Variants in RELCH observed in about 807,000 individuals in gnomAD.
The protein encoded by RELCH is RAB11 binding and LisH domain, coiled-coil and HEAT repeat containing.
Under a neutral mutation model 150.3 loss-of-function variants are expected in RELCH, and 41 were observed. The ratio of observed to expected loss-of-function variants is 0.27; its 90% CI spans 0.21 to 0.35. The LOEUF (loss-of-function observed/expected upper bound fraction) is 0.35. Among genes scored for constraint, RELCH ranks in the 10% least tolerant of loss-of-function variants. The pLI is 1.00. For synonymous variants in RELCH, 478 were observed against 531.8 expected, an observed-to-expected ratio of 0.90 and a Z score of 1.39; for missense variants, 1,092 against 1,467.8, an observed-to-expected ratio of 0.74 and a Z score of 4.18.
At chr18:62,299,348 T>C (rs2045562880) in intron 28 of RELCH, among the ~76,000 whole-genome samples, 1 of 152,162 alleles carries the variant, frequency 6.6e-6, no homozygotes, top group African/African-American at 2.4e-5. Flanking sequence ...TATTATAACG[T>C]TGGAGTTTCA....
chr18:62,280,734 T>C (rs565032768), intron 24 of RELCH, 25 bp downstream of exon 24: 22 of 1,453,368 alleles, frequency 1.5e-5, no homozygotes, highest in Non-Finnish European at 1.8e-5. Flanking sequence ...AATTTATTTA[T>C]GTCTGTGTAA....
intron 21 of RELCH, among the ~76,000 whole-genome samples, chr18:62,274,731 T>C (rs2044101427): frequency 6.6e-6 from 1 of 152,258 alleles, no homozygotes; most frequent in African/African-American, 2.4e-5. Context: ...CTTAGTCCAG[T>C]GATCTTTCCT....
Position 62,228,569 on chromosome 18 carries a change from A to C in RELCH, c.1419A>C (p.Lys473Asn). 6.2e-7 allele frequency: 1 copy of C among 1,611,760 alleles called. No individual in the cohort carries two copies. Among genetic ancestry groups the C allele is most frequent in the South Asian group, 1.1e-5 (1 of 90,960 alleles). ...EGMPPSSLSS[K>N]KTVHFDKPNR... ...TGCCACCTTCTTCTCTATCAAGTAA[A>C]AAGACAGTTCATTTTGATAAACCTA... is the stretch of plus-strand genomic sequence containing the variant. The change falls in exon 8 of 29, where the codon AAA (lysine) becomes AAC (asparagine). Residue 473 changes from lysine (K) to asparagine (N), a missense_variant. Lys to Asn is a moderately conservative substitution (Grantham distance 94). Coordinates refer to ENST00000644646, the MANE Select transcript of RELCH (RefSeq NM_001346231.2).
chr18:62,288,113 A>G (rs1387607554), intron 26 of RELCH, among the ~76,000 whole-genome samples: 2 of 152,150 alleles, frequency 1.3e-5, no homozygotes, highest in Admixed American at 6.5e-5. Flanking sequence ...TCTGTTTACT[A>G]TCCTATGCCT....
intron 7 of RELCH, among the ~76,000 whole-genome samples, chr18:62,227,899 T>C (rs1013682233): frequency 1.3e-5 from 2 of 152,160 alleles, no homozygotes; most frequent in African/African-American, 4.8e-5. Context: ...AATATGGTGA[T>C]CTTACAATCA....
intron 1 of RELCH, among the ~76,000 whole-genome samples, chr18:62,210,174 C>T (rs547429379): frequency 2.0e-5 from 3 of 152,098 alleles, no homozygotes; most frequent in Non-Finnish European, 4.4e-5. Flanking sequence ...TCTCTGTCTG[C>T]TTTTAATATT....
At chr18:62,303,826 A>T (rs1194071909) in intron 28 of RELCH, among the ~76,000 whole-genome samples, 1 of 152,248 alleles carries the variant, frequency 6.6e-6, no homozygotes, top group South Asian at 2.1e-4. Flanking sequence ...TGTAGGTGGT[A>T]TGTAAGCATT....
chr18:62,283,420 A>G (rs571829612), intron 25 of RELCH, among the ~76,000 whole-genome samples: 1 of 152,304 alleles, frequency 6.6e-6, no homozygotes, highest in Non-Finnish European at 1.5e-5. Context: ...GCAATTTGAC[A>G]TGCTCTAGAG....
rs202103776 is a variant in RELCH, at chr18:62,247,543, A to AT, written c.1733+2682dup. 1,176 of 143,758 alleles carry AT rather than the reference A, an allele frequency of 8.2e-3. 11 individuals are homozygous for AT. Among genetic ancestry groups the AT allele is most frequent in the Non-Finnish European group, 0.011 (741 of 65,240 alleles). 8.9% of individuals were successfully genotyped at this position (143,758 alleles called of 1,614,324 possible). ...ATTGAATCCATGTTTATTATAAGCG[A>AT]TTTTTTTTTTTTTTTCCTGAGACAG... On this transcript the variant is annotated intron_variant, in intron 11 of 28. Transcript: ENST00000644646.
intron 1 of RELCH, among the ~76,000 whole-genome samples, chr18:62,194,605 A>C (rs1215153485): frequency 1.3e-5 from 2 of 152,194 alleles, no homozygotes; most frequent in Non-Finnish European, 2.9e-5. Context: ...TAAGCTCCTG[A>C]TCACACAAAT....
At chr18:62,207,183 T>C (rs963811755) in intron 1 of RELCH, among the ~76,000 whole-genome samples, 1 of 152,164 alleles carries the variant, frequency 6.6e-6, no homozygotes, top group Non-Finnish European at 1.5e-5. Context: ...TCTATGTCTA[T>C]AGAGACAGAC....
In RELCH at chr18:62,187,477, G is replaced by A; in HGVS notation, c.-29G>A. On this transcript the variant is annotated 5_prime_UTR_variant, in exon 1 of 29. Coordinates refer to ENST00000644646, the MANE Select transcript of RELCH (RefSeq NM_001346231.2). Reference sequence around the variant, plus strand: ...GCTGCGGCCCGTCGGAACCAGTCAGGGAGGCGCCCACACTCCTGACAGGAT... The same window carrying A: ...GCTGCGGCCCGTCGGAACCAGTCAGAGAGGCGCCCACACTCCTGACAGGAT... 5 of 1,498,150 alleles carry A rather than the reference G, an allele frequency of 3.3e-6. No homozygotes were observed. The highest frequency in any genetic ancestry group is 1.8e-6 in the Non-Finnish European group (2 of 1,124,082). 92.8% of individuals were successfully genotyped at this position (1,498,150 alleles called of 1,614,324 possible). A position where few individuals can be genotyped will look rare whatever the true frequency, so the allele number is the denominator to read the frequency against.
rs187756691 is a variant in RELCH at position 62,258,441 on chromosome 18, A to G, written c.2038-71A>G. The stretch of plus-strand genomic sequence containing the variant: ...TTCTTAATTTATTGAAATTTTTATT[A>G]CTTTTTATTAAGTGTTTTATTTTAA... On this transcript the variant is annotated intron_variant, in intron 14 of 28. Transcript: ENST00000644646. The G allele has an allele frequency of 2.8e-4, 362 of 1,277,530 alleles. No individual in the cohort carries two copies. The Admixed American group carries it at 4.4e-3, about 15-fold the overall frequency. The allele number at this position is 1,277,530 out of a possible 1,614,324, so 79.1% of individuals were successfully genotyped here.
Position 62,268,920 on chromosome 18 carries a change from C to A in RELCH, c.2732C>A (p.Ala911Glu). 1 of 1,547,660 alleles carries A rather than the reference C, an allele frequency of 6.5e-7. No individual in the cohort carries two copies. The highest frequency in any genetic ancestry group is 8.8e-7 in the Non-Finnish European group (1 of 1,142,754). The change falls in exon 20 of 29, where the codon GCA (alanine) becomes GAA (glutamate). Residue 911 changes from alanine (A) to glutamate (E), a missense_variant. Ala to Glu is a moderately radical substitution (Grantham distance 107, BLOSUM62 -1). Coordinates refer to ENST00000644646, the MANE Select transcript of RELCH (RefSeq NM_001346231.2). ...VLTKATVPIY[A>E]TGVLTCYIQE... ...ACTAAAGCTACAGTCCCCATTTATGCAACAGGAGTCCTTACGTGTTATATT... is the reference window on the plus strand; with the variant it reads ...ACTAAAGCTACAGTCCCCATTTATGAAACAGGAGTCCTTACGTGTTATATT...
chr18:62,207,826 A>C (rs915898708), intron 1 of RELCH, among the ~76,000 whole-genome samples: 1 of 152,190 alleles, frequency 6.6e-6, no homozygotes, highest in Non-Finnish European at 1.5e-5. Context: ...GTCACTACCC[A>C]TTCTCCTATG....
chr18:62,213,043 T>A (rs186844569), intron 2 of RELCH, among the ~76,000 whole-genome samples: 35 of 152,326 alleles, frequency 2.3e-4, no homozygotes, highest in Non-Finnish European at 1.2e-4. Context: ...GCATCATTTA[T>A]TGACAACTGT....
intron 23 of RELCH, chr18:62,280,260 A>T: frequency 1.1e-6 from 1 of 918,708 alleles, no homozygotes; most frequent in South Asian, 1.4e-5. Context: ...CTAAACCAAG[A>T]AAGGCCAATG....
At position 62,309,342 on chromosome 18, in the gene RELCH, G is replaced by C. The variant is rs182197603; in HGVS notation, c.*3808G>C. 1.3e-5 allele frequency: 2 copies of C among 151,962 alleles called. No individual in the cohort carries two copies. The highest frequency in any genetic ancestry group is 2.4e-5 in the African/African-American group (1 of 41,376). The allele number at this position is 151,962 out of a possible 1,614,324, so 9.4% of individuals were successfully genotyped here. On this transcript the variant is annotated 3_prime_UTR_variant, in exon 29 of 29. Transcript: ENST00000644646. ...GAATTTTAGACAATTTTCATACTGC[G>C]TAAGAATGTGTTCTGTATGCATTTT...
chr18:62,296,239 T>G (rs2045401403), intron 27 of RELCH, among the ~76,000 whole-genome samples: 1 of 152,240 alleles, frequency 6.6e-6, no homozygotes, highest in Non-Finnish European at 1.5e-5. Flanking sequence ...TCTATCTTTG[T>G]ATCAGTTTTT....
Sources: allele counts gnomAD v4.1 joint callset (sites outside exome capture counted in the v4.1 genomes callset), GRCh38; gene constraint gnomAD v4.1.1; transcripts MANE v1.5; gene names NCBI Gene and HGNC (gene_info 2026-07-23, HGNC 2026-07-21).